EHD2: variants seen among roughly 807,000 people sequenced by gnomAD.
EHD2 encodes EH domain containing 2.
A neutral mutation model predicts 41.0 loss-of-function variants in EHD2; 27 were observed. The ratio of observed to expected loss-of-function variants is 0.66; its 90% CI spans 0.49 to 0.91. EHD2 has a LOEUF of 0.91. EHD2 is among the 40% of genes least tolerant of loss of function. EHD2 has a pLI of 0.00. For synonymous variants in EHD2, 342 were observed against 341.0 expected (o/e 1.00, Z -0.03); for missense variants, 673 against 773.9 (o/e 0.87, Z 1.55).
chr19:47,736,823 T>C (rs1209325441), intron 5 of EHD2, among the ~76,000 whole-genome samples: 5 of 152,230 alleles, frequency 3.3e-5, no homozygotes, highest in Non-Finnish European at 1.5e-5. Flanking sequence ...GCCAGGGATC[T>C]AGTCCCCTTC....
rs1367920187 is a variant in EHD2, at chr19:47,742,388, TCAGCCTCCTGAGTAGCTGGGACTGCA to T, written c.*957_*982del. On this transcript the variant is annotated 3_prime_UTR_variant, in exon 6 of 6. Coordinates refer to ENST00000263277, the MANE Select transcript of EHD2 (RefSeq NM_014601.4). ...CCTGGGTTGAAGTGATTCTCGTGCC[TCAGCCTCCTGAGTAGCTGGGACTGCA>T]GGCACGCGCCACCACGCCCAGCTAA... 3.7e-5 allele frequency: 7 copies of T among 187,566 alleles called. No individual in the cohort carries two copies. The highest frequency in any genetic ancestry group is 5.4e-5 in the Non-Finnish European group (5 of 91,772). The allele number at this position is 187,566 out of a possible 1,614,324, so 11.6% of individuals were successfully genotyped here.
Position 47,741,805 on chromosome 19 carries a change from C to T in EHD2, c.*373C>T, listed in dbSNP as rs956657037. 1.0e-5 allele frequency: 5 copies of T among 494,020 alleles called. No homozygotes were observed. Among genetic ancestry groups the T allele is most frequent in the South Asian group, 4.6e-5 (3 of 64,834 alleles). The allele number at this position is 494,020 out of a possible 1,614,324, so 30.6% of individuals were successfully genotyped here. On this transcript the variant is annotated 3_prime_UTR_variant, in exon 6 of 6. Coordinates refer to ENST00000263277, the MANE Select transcript of EHD2 (RefSeq NM_014601.4). This position sits in a 1 kb window ranked among gnomAD's most constrained non-coding sequence, Gnocchi z 4.5. Reference sequence around the variant, plus strand: ...AGAACAAAATAGACAAATACATCTGCCCTCATGGAAGGTGACGTTCCCAGG... The same window carrying T: ...AGAACAAAATAGACAAATACATCTGTCCTCATGGAAGGTGACGTTCCCAGG...
chr19:47,716,533 C>T, intron 1 of EHD2, 25 bp from the exon 2 acceptor site: 1 of 1,429,838 alleles, frequency 7.0e-7, no homozygotes, highest in Non-Finnish European at 9.2e-7. Flanking sequence ...GCCGCCTATG[C>T]TCATGCCCTC....
intron 1 of EHD2, among the ~76,000 whole-genome samples, chr19:47,713,977 T>C (rs895749669): frequency 6.6e-6 from 1 of 152,032 alleles, no homozygotes; most frequent in Admixed American, 6.6e-5. Flanking sequence ...CCTCCCTGCC[T>C]GGGACACCGC....
At chr19:47,737,041 C>T (rs1435685905) in intron 5 of EHD2, among the ~76,000 whole-genome samples, 1 of 151,834 alleles carries the variant, frequency 6.6e-6, no homozygotes, top group Admixed American at 6.6e-5. Flanking sequence ...ACCATCCTGG[C>T]TAACACGGTG....
intron 3 of EHD2, among the ~76,000 whole-genome samples, chr19:47,722,809 C>T (rs528288540): frequency 1.3e-5 from 2 of 152,222 alleles, no homozygotes; most frequent in Admixed American, 1.3e-4. Flanking sequence ...CTCAGGTGAT[C>T]CACCCGCCTC....
At chr19:47,737,695 A>C (rs117860352) in intron 5 of EHD2, among the ~76,000 whole-genome samples, 13,248 of 151,544 alleles carry the variant, frequency 0.087, 786 homozygotes, top group Non-Finnish European at 0.13. Context: ...TACGTTTAAA[A>C]ATTTATTTAT....
At position 47,741,524 on chromosome 19, in the gene EHD2, C is replaced by A; in HGVS notation, c.*92C>A. ...TCCGGCTCACACACGCCCTGCCTGC[C>A]CTCCCTGCCCAGCTGTAAGGACCGG... On this transcript the variant is annotated 3_prime_UTR_variant, in exon 6 of 6. Coordinates refer to ENST00000263277, the MANE Select transcript of EHD2 (RefSeq NM_014601.4). The surrounding 1 kb of genome is among the most constrained non-coding windows in gnomAD (Gnocchi z 4.5). 2 of 1,395,426 alleles carry A rather than the reference C, an allele frequency of 1.4e-6. No individual in the cohort carries two copies. Among genetic ancestry groups the A allele is most frequent in the South Asian group, 1.3e-5 (1 of 75,594 alleles). 86.4% of individuals were successfully genotyped at this position (1,395,426 alleles called of 1,614,324 possible). A position where few individuals can be genotyped will look rare whatever the true frequency, so the allele number is the denominator to read the frequency against.
intron 5 of EHD2, among the ~76,000 whole-genome samples, chr19:47,737,703 T>C (rs1340697984): frequency 6.6e-6 from 1 of 151,730 alleles, no homozygotes; most frequent in Non-Finnish European, 1.5e-5. Flanking sequence ...AAAATTTATT[T>C]ATATATTTTT....
chr19:47,740,366 G>C (rs571704882), intron 5 of EHD2, among the ~76,000 whole-genome samples: 1 of 152,018 alleles, frequency 6.6e-6, no homozygotes, highest in South Asian at 2.1e-4. Flanking sequence ...TTGAGGCTGG[G>C]AGTTGGAAGC....
intron 2 of EHD2, among the ~76,000 whole-genome samples, chr19:47,717,483 C>T (rs1326669474): frequency 6.6e-6 from 1 of 152,206 alleles, no homozygotes; most frequent in African/African-American, 2.4e-5. Flanking sequence ...TGTCTCTGCT[C>T]TCTTATCCAG....
chr19:47,730,893 C>G (rs1373135487), intron 4 of EHD2, among the ~76,000 whole-genome samples: 1 of 152,128 alleles, frequency 6.6e-6, no homozygotes, highest in Non-Finnish European at 1.5e-5. Flanking sequence ...TCTGGGGATA[C>G]AGCAGGGAAC....
At chr19:47,715,089 A>C (rs1016708872) in intron 1 of EHD2, among the ~76,000 whole-genome samples, 9 of 152,022 alleles carry the variant, frequency 5.9e-5, no homozygotes, top group East Asian at 1.9e-4. Flanking sequence ...AAAAAGAAAG[A>C]AAAGCAAAGC....
At chr19:47,734,333 T>A (rs1001085383) in intron 4 of EHD2, among the ~76,000 whole-genome samples, 2 of 151,062 alleles carry the variant, frequency 1.3e-5, no homozygotes, top group African/African-American at 4.9e-5. Flanking sequence ...AGACCCTGTC[T>A]AAAAAAAGCA....
chr19:47,716,963 C>A lies in EHD2; in HGVS notation c.351C>A (p.Asp117Glu), dbSNP rs1973635550. 6.2e-7 allele frequency: 1 copy of A among 1,605,194 alleles called. No homozygotes were observed. The stretch of plus-strand genomic sequence containing the variant: ...TGCCCGGCAACGCCCTCGTCGTGGA[C>A]CCGGACAAGCCCTTCCGCAAACTCA... The part of the protein sequence containing the change: ...GTVPGNALVV[D>E]PDKPFRKLNP... The change falls in exon 2 of 6, where the codon GAC (aspartate) becomes GAA (glutamate). Residue 117 changes from aspartate to glutamate, a missense_variant. Physicochemically the swap from Asp to Glu is conservative, Grantham distance 45. Transcript: ENST00000263277.
At position 47,719,291 on chromosome 19, in the gene EHD2, C is replaced by T. The variant is rs962344081; in HGVS notation, c.502+685C>T. Among the ~76,000 whole-genome samples, 3 of 151,534 alleles carry T rather than the reference C, an allele frequency of 2.0e-5. No homozygotes were observed. Among genetic ancestry groups the T allele is most frequent in the South Asian group, 2.1e-4 (1 of 4,806 alleles). On this transcript the variant is annotated intron_variant, in intron 3 of 5. Transcript: ENST00000263277. The surrounding 1 kb of genome is among the most constrained non-coding windows in gnomAD (Gnocchi z 4.1). ...GAGCCTGGGCAGGGGAGGCAGAGCCCGGGCAGGGGAGGCTGGGCCCTGCGA... is the reference window on the plus strand; with the variant it reads ...GAGCCTGGGCAGGGGAGGCAGAGCCTGGGCAGGGGAGGCTGGGCCCTGCGA...
At position 47,736,431 on chromosome 19, in the gene EHD2, CAAG is replaced by C. The variant is rs1568593371; in HGVS notation, c.985_987del (p.Lys329del). On this transcript the variant is annotated inframe_deletion, in exon 5 of 6. Coordinates refer to ENST00000263277, the MANE Select transcript of EHD2 (RefSeq NM_014601.4). ...TGCCCTCTGTGTTTGGGAAGGAGAA[CAAG>C]AAGAAGCAGCTGATCCTCAAACTGC... 6.2e-7 allele frequency: 1 copy of C among 1,613,264 alleles called. No individual in the cohort carries two copies. Among genetic ancestry groups the C allele is most frequent in the East Asian group, 2.2e-5 (1 of 44,798 alleles).
At chr19:47,731,279 A>AAAATATATATATATATGTATATATATAT in intron 4 of EHD2, 1 of 60,928 alleles carries the variant, frequency 1.6e-5, no homozygotes, top group Non-Finnish European at 3.7e-5. Flanking sequence ...AAAAAAAAAA[A>AAAATATATATATATATGTATATATATAT]ATATATATAT....
rs779218399 is a variant in EHD2, at chr19:47,716,813, C to T, written c.201C>T (p.Tyr67=). Residue 67 remains tyrosine (Y), a synonymous_variant, in exon 2 of 6, where the codon TAC becomes TAT. Transcript: ENST00000263277. The stretch of plus-strand genomic sequence containing the variant: ...CCATGGTGCTGGTGGCCGGCCAGTA[C>T]AGCACGGGCAAGACCAGCTTCATCC... ...GKPMVLVAGQ[Y]STGKTSFIQY... 3.1e-6 allele frequency: 5 copies of T among 1,610,024 alleles called. No homozygotes were observed. The highest frequency in any genetic ancestry group is 1.7e-6 in the Non-Finnish European group (2 of 1,178,030).
Sources: allele counts gnomAD v4.1 joint callset (sites outside exome capture counted in the v4.1 genomes callset), GRCh38; gene constraint gnomAD v4.1.1; non-coding constraint Gnocchi (gnomAD v3.1); transcripts MANE v1.5; gene names NCBI Gene and HGNC (gene_info 2026-07-23, HGNC 2026-07-21).